Variants in ZCWPW2 observed in about 807,000 individuals in gnomAD.
The protein encoded by ZCWPW2 is zinc finger CW-type PWWP domain protein 2.
In ZCWPW2, 45 loss-of-function variants were observed where a neutral mutation model predicts 46.6. The ratio of observed to expected loss-of-function variants is 0.96; its 90% CI spans 0.76 to 1.24. The LOEUF is 1.24. ZCWPW2 is among the 50% of genes most tolerant of loss of function. ZCWPW2 has a pLI of 0.00. For missense variants in ZCWPW2, 429 were observed against 403.9 expected, an observed-to-expected ratio of 1.06 and a Z score of -0.53; for synonymous variants, 152 against 137.1, an observed-to-expected ratio of 1.11 and a Z score of -0.76.
At chr3:28,460,524 G>A (rs886552621) in intron 4 of ZCWPW2, among the ~76,000 whole-genome samples, 3 of 152,144 alleles carry the variant, frequency 2.0e-5, no homozygotes, top group African/African-American at 7.2e-5. Flanking sequence ...AGTGACAGGT[G>A]AGTGGGAAGG....
intron 6 of ZCWPW2, among the ~76,000 whole-genome samples, chr3:28,496,258 A>G (rs1699989496): frequency 6.6e-6 from 1 of 152,084 alleles, no homozygotes; most frequent in South Asian, 2.1e-4. Context: ...TCTTAAAACT[A>G]AATATTACTT....
At chr3:28,392,904 C>A (rs1046795896) in intron 2 of ZCWPW2, among the ~76,000 whole-genome samples, 3 of 150,296 alleles carry the variant, frequency 2.0e-5, no homozygotes. Flanking sequence ...GAGGAGAAAA[C>A]AAACAGCCCA....
At chr3:28,521,626 G>T (rs1482590401) in intron 9 of ZCWPW2, among the ~76,000 whole-genome samples, 1 of 152,016 alleles carries the variant, frequency 6.6e-6, no homozygotes, top group Non-Finnish European at 1.5e-5. Flanking sequence ...TTTTCATTTG[G>T]CTTTCTATGT....
chr3:28,485,627 T>C (rs1699575958), intron 5 of ZCWPW2, among the ~76,000 whole-genome samples: 1 of 152,156 alleles, frequency 6.6e-6, no homozygotes, highest in South Asian at 2.1e-4. Flanking sequence ...GACCTCTTTA[T>C]TATTATGTAT....
Position 28,521,007 on chromosome 3 carries a change from A to C in ZCWPW2, c.800A>C (p.Glu267Ala). 1 of 1,613,536 alleles carries C rather than the reference A, an allele frequency of 6.2e-7. No individual in the cohort carries two copies. Among genetic ancestry groups the C allele is most frequent in the South Asian group, 1.1e-5 (1 of 91,022 alleles). The part of the protein sequence containing the change: ...SKENRVVCET[E>A]VLLKELEQML... ...GTTTTTTTAGTTGTCTGTGAGACGGAAGTTTTACTAAAAGAGCTGGAGCAA... is the reference window on the plus strand; with the variant it reads ...GTTTTTTTAGTTGTCTGTGAGACGGCAGTTTTACTAAAAGAGCTGGAGCAA... The change falls in exon 9 of 10, where the codon GAA (glutamate) becomes GCA (alanine). Residue 267 changes from glutamate (E) to alanine (A), a missense_variant. Coordinates refer to ENST00000383768, the MANE Select transcript of ZCWPW2 (RefSeq NM_001040432.4).
At chr3:28,492,266 A>C in intron 6 of ZCWPW2, 93 bp downstream of exon 6, 2 of 1,132,138 alleles carry the variant, frequency 1.8e-6, no homozygotes, top group Non-Finnish European at 2.4e-6. Flanking sequence ...AAAACAAACA[A>C]TGACATACAA....
intron 1 of ZCWPW2, chr3:28,351,622 CAGTA>C (rs756371923): frequency 4.6e-4 from 70 of 150,986 alleles, no homozygotes; most frequent in Non-Finnish European, 8.1e-4. Flanking sequence ...TAAAAAGAAA[CAGTA>C]AGTGCAATTT....
chr3:28,456,254 G>A (rs1169612998), intron 4 of ZCWPW2, among the ~76,000 whole-genome samples: 2 of 152,112 alleles, frequency 1.3e-5, no homozygotes, highest in African/African-American at 2.4e-5. Flanking sequence ...AATTGTGAAT[G>A]GGAATTCATT....
intron 9 of ZCWPW2, among the ~76,000 whole-genome samples, chr3:28,521,988 C>T (rs1192983759): frequency 6.6e-6 from 1 of 152,154 alleles, no homozygotes; most frequent in Non-Finnish European, 1.5e-5. Context: ...TTATCACTTA[C>T]CTCAGAGGAT....
chr3:28,350,794 C>G (rs1188343376), intron 1 of ZCWPW2, among the ~76,000 whole-genome samples: 4 of 151,500 alleles, frequency 2.6e-5, no homozygotes, highest in Admixed American at 2.6e-4. Flanking sequence ...TTAAAAGATA[C>G]AGTCTTGATA....
At position 28,474,620 on chromosome 3, in the gene ZCWPW2, T is replaced by TGTGTGTGTGC. The variant is rs777191108; in HGVS notation, c.493-4193_493-4192insTGTGTGTGCG. ...GTGTGTGTGTGTGTGTGTGTGTGTG[T>TGTGTGTGTGC]GCGCGCGCGCGCGCGCGCACATGCG... On this transcript the variant is annotated intron_variant, in intron 4 of 9. Coordinates refer to ENST00000383768, the MANE Select transcript of ZCWPW2 (RefSeq NM_001040432.4). Among the ~76,000 whole-genome samples the TGTGTGTGTGC allele has an allele frequency of 6.1e-3, 736 of 121,638 alleles. 6 individuals are homozygous for TGTGTGTGTGC. Among genetic ancestry groups the TGTGTGTGTGC allele is most frequent in the African/African-American group, 0.017 (599 of 35,138 alleles). 79.8% of individuals were successfully genotyped at this position (121,638 alleles called of 152,430 possible). A position where few individuals can be genotyped will look rare whatever the true frequency, so the allele number is the denominator to read the frequency against.
intron 2 of ZCWPW2, among the ~76,000 whole-genome samples, chr3:28,395,893 C>T (rs1177546568): frequency 6.6e-6 from 1 of 152,070 alleles, no homozygotes; most frequent in East Asian, 1.9e-4. Context: ...CTTAATTTTT[C>T]TTTTCAGAAA....
At chr3:28,372,628 T>C (rs1208908347) in intron 1 of ZCWPW2, among the ~76,000 whole-genome samples, 1 of 152,200 alleles carries the variant, frequency 6.6e-6, no homozygotes, top group East Asian at 1.9e-4. Context: ...CTTTATTTTA[T>C]TTTAATAAGT....
rs972892405 is a variant in ZCWPW2, at chr3:28,501,202, G to C, written c.657+9029G>C. The stretch of plus-strand genomic sequence containing the variant: ...TAGCAGAATGATCAGCTTTTGTAAG[G>C]CAGCTCCAGCAGGAAGAAGGAAACA... On this transcript the variant is annotated intron_variant, in intron 6 of 9. Transcript: ENST00000383768. Among the ~76,000 whole-genome samples the C allele has an allele frequency of 7.2e-5, 11 of 152,280 alleles. 1 individual carries two copies. Among genetic ancestry groups the C allele is most frequent in the Admixed American group, 2.0e-4 (3 of 15,258 alleles).
intron 4 of ZCWPW2, among the ~76,000 whole-genome samples, chr3:28,469,241 A>G (rs1698946234): frequency 6.6e-6 from 1 of 152,172 alleles, no homozygotes; most frequent in Non-Finnish European, 1.5e-5. Flanking sequence ...ATTAAAAAGC[A>G]ATAAATTTAA....
At chr3:28,382,651 C>T (rs1347410388) in intron 1 of ZCWPW2, among the ~76,000 whole-genome samples, 1 of 152,038 alleles carries the variant, frequency 6.6e-6, no homozygotes, top group Non-Finnish European at 1.5e-5. Flanking sequence ...TTTTCACAAA[C>T]TCTAAAGCTT....
intron 2 of ZCWPW2, among the ~76,000 whole-genome samples, chr3:28,395,309 G>A (rs1016159869): frequency 6.6e-6 from 1 of 152,100 alleles, no homozygotes; most frequent in Admixed American, 6.5e-5. Flanking sequence ...ATGTAAATGG[G>A]AATGTAAAAT....
intron 3 of ZCWPW2, among the ~76,000 whole-genome samples, chr3:28,427,577 T>A (rs897423017): frequency 6.6e-6 from 1 of 152,190 alleles, no homozygotes; most frequent in Admixed American, 6.5e-5. Flanking sequence ...TAATTTAATA[T>A]GTTTAAATAT....
At chr3:28,518,187 A>C (rs978550612) in intron 8 of ZCWPW2, among the ~76,000 whole-genome samples, 1 of 149,182 alleles carries the variant, frequency 6.7e-6, no homozygotes, top group Non-Finnish European at 1.5e-5. Flanking sequence ...CTACAGATAC[A>C]TATTTTTTCT....
Sources: allele counts gnomAD v4.1 joint callset (sites outside exome capture counted in the v4.1 genomes callset), GRCh38; gene constraint gnomAD v4.1.1; transcripts MANE v1.5; gene names NCBI Gene and HGNC (gene_info 2026-07-23, HGNC 2026-07-21).